The following SLC22A24 variants were observed in gnomAD, a reference collection of about 807,000 sequenced individuals.
SLC22A24 encodes steroid transmembrane transporter SLC22A24.
Under a neutral mutation model 49.8 loss-of-function variants are expected in SLC22A24, and 53 were observed. That is an observed-to-expected ratio of 1.06 (90% CI 0.85 to 1.34). SLC22A24 has a LOEUF of 1.34. Ranked by LOEUF, SLC22A24 falls within the 40% of genes most tolerant of loss-of-function variation. The pLI, the probability that SLC22A24 is intolerant of heterozygous loss-of-function variation, is 0.00. For synonymous variants in SLC22A24, 302 were observed against 256.4 expected, an observed-to-expected ratio of 1.18 and a Z score of -1.70; for missense variants, 786 against 675.9, an observed-to-expected ratio of 1.16 and a Z score of -1.81.
chr11:63,080,710 C>T (rs1379481320), intron 9 of SLC22A24, among the ~76,000 whole-genome samples: 1 of 152,138 alleles, frequency 6.6e-6, no homozygotes, highest in Non-Finnish European at 1.5e-5. Flanking sequence ...GTGAAATGGT[C>T]TGTGTGACAT....
At chr11:63,136,271 G>T (rs1161939115) in intron 1 of SLC22A24, among the ~76,000 whole-genome samples, 3 of 152,176 alleles carry the variant, frequency 2.0e-5, no homozygotes, top group South Asian at 4.1e-4. Flanking sequence ...GTCACTGTTT[G>T]GTTGTCTGTC....
chr11:63,116,614 T>C lies in SLC22A24; in HGVS notation c.830+2298A>G, dbSNP rs567488028. On this transcript the variant is annotated intron_variant, in intron 4 of 9. Coordinates refer to ENST00000612278, the MANE Select transcript of SLC22A24 (RefSeq NM_001136506.2). ...ATCTGAATTACAGTTTTTGAATTTC[T>C]TGGGTGTGTAGATTAATGTTTCCAA... Among the ~76,000 whole-genome samples the C allele has an allele frequency of 3.2e-4, 48 of 152,328 alleles. 2 individuals carry two copies. The highest frequency in any genetic ancestry group is 1.0e-3 in the African/African-American group (43 of 41,572).
At chr11:63,114,382 A>G (rs889976205) in intron 4 of SLC22A24, among the ~76,000 whole-genome samples, 4 of 152,230 alleles carry the variant, frequency 2.6e-5, no homozygotes, top group Admixed American at 2.6e-4. Context: ...TACATGGGTC[A>G]TGAAGATCTC....
At chr11:63,123,574 A>G (rs2087267298) in intron 2 of SLC22A24, among the ~76,000 whole-genome samples, 1 of 152,226 alleles carries the variant, frequency 6.6e-6, no homozygotes, top group South Asian at 2.1e-4. Context: ...TCCGACCCAG[A>G]AAGTCCAAAG....
At chr11:63,123,460 T>C (rs1173567017) in intron 2 of SLC22A24, among the ~76,000 whole-genome samples, 2 of 152,184 alleles carry the variant, frequency 1.3e-5, no homozygotes, top group Non-Finnish European at 2.9e-5. Flanking sequence ...TATATGCTAA[T>C]AAATTCTAAA....
At chr11:63,128,741 C>T (rs2087312039) in intron 2 of SLC22A24, among the ~76,000 whole-genome samples, 1 of 152,166 alleles carries the variant, frequency 6.6e-6, no homozygotes, top group South Asian at 2.1e-4. Context: ...CCCATGTGAC[C>T]TTACCTATCA....
At chr11:63,114,578 C>A (rs2087198593) in intron 4 of SLC22A24, among the ~76,000 whole-genome samples, 1 of 152,206 alleles carries the variant, frequency 6.6e-6, no homozygotes, top group Admixed American at 6.5e-5. Context: ...AAGTAGCTCT[C>A]CATCCAGCTT....
intron 6 of SLC22A24, among the ~76,000 whole-genome samples, chr11:63,090,798 T>C (rs1290673432): frequency 6.6e-6 from 1 of 152,018 alleles, no homozygotes; most frequent in Non-Finnish European, 1.5e-5. Flanking sequence ...AAAGAAATTT[T>C]GTAGCCCTGA....
chr11:63,104,318 T>C lies in SLC22A24; in HGVS notation c.831-20A>G, dbSNP rs1440142114. 1.3e-6 allele frequency: 2 copies of C among 1,537,160 alleles called. No homozygotes were observed. Among genetic ancestry groups the C allele is most frequent in the Non-Finnish European group, 1.7e-6 (2 of 1,142,980 alleles). On this transcript the variant is annotated intron_variant, in intron 4 of 9. Transcript: ENST00000612278. ...ATCTTCCTGATGAAAGAAGACAACA[T>C]AGGTATAGTAAACAATTACTTATTT... is the stretch of plus-strand genomic sequence containing the variant.
At chr11:63,107,292 T>G (rs1209193234) in intron 4 of SLC22A24, among the ~76,000 whole-genome samples, 1 of 152,214 alleles carries the variant, frequency 6.6e-6, no homozygotes, top group African/African-American at 2.4e-5. Flanking sequence ...TTGGTCTATA[T>G]CTCTGTTTTG....
Position 63,081,474 on chromosome 11 carries a change from A to C in SLC22A24, c.1394+84T>G, listed in dbSNP as rs189178150. The C allele has an allele frequency of 3.4e-5, 32 of 939,872 alleles. No individual in the cohort carries two copies. In the East Asian group the frequency reaches 7.6e-4, roughly 22 times the overall value. The allele number at this position is 939,872 out of a possible 1,614,324, so 58.2% of individuals were successfully genotyped here. A position where few individuals can be genotyped will look rare whatever the true frequency, so the allele number is the denominator to read the frequency against. ...TACAGTTAATTCATCTGGCACCTAAACAGTGTCAGTCTTTCATTCACAATG... is the reference window on the plus strand; with the variant it reads ...TACAGTTAATTCATCTGGCACCTAACCAGTGTCAGTCTTTCATTCACAATG... On this transcript the variant is annotated intron_variant, in intron 8 of 9. Coordinates refer to ENST00000612278, the MANE Select transcript of SLC22A24 (RefSeq NM_001136506.2).
intron 5 of SLC22A24, among the ~76,000 whole-genome samples, chr11:63,099,371 AT>A (rs56708217): frequency 0.087 from 4,470 of 51,638 alleles, 14 homozygotes; most frequent in South Asian, 0.1. Context: ...AATTTTTAAG[AT>A]TTTTTTTTTT....
chr11:63,080,940 G>A lies in SLC22A24; in HGVS notation c.1578C>T (p.Thr526=). ...CTCACTCATTTTCCACATCCTGGAT[G>A]GTGTTAGGAAGAGGTAGATCCCTGG... ...PETRDLPLPN[T]IQDVENDRKD... is the part of the protein sequence containing the mutation. Residue 526 remains threonine (T), a synonymous_variant, in exon 9 of 10, where the codon ACC becomes ACT. Transcript: ENST00000612278. 1.3e-6 allele frequency: 2 copies of A among 1,552,008 alleles called. No individual in the cohort carries two copies. The highest frequency in any genetic ancestry group is 8.7e-7 in the Non-Finnish European group (1 of 1,147,244).
In SLC22A24 at chr11:63,097,276, A is replaced by G. The variant is rs139273012; in HGVS notation, c.955-1170T>C. ...CAAAAAGTGGGTGAAGTATATGAAC[A>G]GACATTTCTCAAAAGAAGATATTTA... On this transcript the variant is annotated intron_variant, in intron 5 of 9. Transcript: ENST00000612278. Among the ~76,000 whole-genome samples the G allele has an allele frequency of 2.4e-3, 369 of 152,360 alleles. 3 individuals carry two copies. Among genetic ancestry groups the G allele is most frequent in the African/African-American group, 8.3e-3 (345 of 41,590 alleles).
At position 63,093,461 on chromosome 11, in the gene SLC22A24, G is replaced by T. The variant is rs535779115; in HGVS notation, c.1070+2530C>A. On this transcript the variant is annotated intron_variant, in intron 6 of 9. Transcript: ENST00000612278. ...CCAACCCAAAGACCCATCAATAATA[G>T]ACTAGATAAAGAAAATGTGGCACAT... is the stretch of plus-strand genomic sequence containing the variant. Among the ~76,000 whole-genome samples, 16 of 152,254 alleles carry T rather than the reference G, an allele frequency of 1.1e-4. 1 individual carries two copies. The South Asian group carries it at 3.3e-3, about 32-fold the overall frequency.
Position 63,143,898 on chromosome 11 carries a change from T to C in SLC22A24, c.-119A>G, listed in dbSNP as rs1590755153. Reference sequence around the variant, plus strand: ...AGTGCCATGTGGATCCTGACACTGCTTTCTTCTTGGTGGGCCCTGCACTGA... The same window carrying C: ...AGTGCCATGTGGATCCTGACACTGCCTTCTTCTTGGTGGGCCCTGCACTGA... On this transcript the variant is annotated 5_prime_UTR_variant, in exon 1 of 10. Transcript: ENST00000612278. 1.2e-6 allele frequency: 1 copy of C among 854,566 alleles called. No homozygotes were observed. Among genetic ancestry groups the C allele is most frequent in the East Asian group, 3.3e-5 (1 of 30,364 alleles). 52.9% of individuals were successfully genotyped at this position (854,566 alleles called of 1,614,324 possible). A position where few individuals can be genotyped will look rare whatever the true frequency, so the allele number is the denominator to read the frequency against.
In SLC22A24 at chr11:63,081,724, A is replaced by G. The variant is rs983941748; in HGVS notation, c.1286-58T>C. On this transcript the variant is annotated intron_variant, in intron 7 of 9. Transcript: ENST00000612278. ...CCTGAAGAAACTTTTCAACCCCCAA[A>G]TAATTGTAAAAAGATTCTAATGGAG... is the stretch of plus-strand genomic sequence containing the variant. The G allele has an allele frequency of 6.2e-6, 7 of 1,136,058 alleles. No individual in the cohort carries two copies. In the African/African-American group the frequency reaches 1.1e-4, roughly 17 times the overall value. 70.4% of individuals were successfully genotyped at this position (1,136,058 alleles called of 1,614,324 possible).
At chr11:63,129,830 A>G (rs2087320836) in intron 2 of SLC22A24, among the ~76,000 whole-genome samples, 1 of 152,148 alleles carries the variant, frequency 6.6e-6, no homozygotes. Context: ...TTAATTTTTT[A>G]TCCTGAGACT....
At chr11:63,115,877 C>G in intron 4 of SLC22A24, 1 of 261,692 alleles carries the variant, frequency 3.8e-6, no homozygotes, top group East Asian at 7.5e-5. Context: ...ACAGAGATAT[C>G]CACTCTGAAG....
Sources: allele counts gnomAD v4.1 joint callset (sites outside exome capture counted in the v4.1 genomes callset), GRCh38; gene constraint gnomAD v4.1.1; transcripts MANE v1.5; gene names NCBI Gene and HGNC (gene_info 2026-07-23, HGNC 2026-07-21).